Variants in PDE4B observed in about 807,000 individuals in gnomAD.
PDE4B encodes the protein phosphodiesterase 4B.
PDE4B carries 20 observed loss-of-function variants against 82.2 expected under a neutral mutation model. That is an observed-to-expected ratio of 0.24 (90% CI 0.17 to 0.35). The LOEUF (loss-of-function observed/expected upper bound fraction) is 0.35. PDE4B is among the 10% of genes least tolerant of loss of function. The pLI is 1.00. For synonymous variants in PDE4B, 320 were observed against 318.9 expected, an observed-to-expected ratio of 1.00 and a Z score of -0.04; for missense variants, 655 against 907.2, an observed-to-expected ratio of 0.72 and a Z score of 3.57.
At chr1:66,296,605 C>A (rs754724358) in intron 7 of PDE4B, among the ~76,000 whole-genome samples, 7 of 152,112 alleles carry the variant, frequency 4.6e-5, no homozygotes, top group Admixed American at 2.6e-4. Flanking sequence ...TAATAACCTT[C>A]TGTGGCTGTG....
intron 3 of PDE4B, among the ~76,000 whole-genome samples, chr1:66,101,761 A>C (rs1645229549): frequency 1.3e-5 from 2 of 151,536 alleles, no homozygotes; most frequent in Non-Finnish European, 2.9e-5. Flanking sequence ...GATTGCAAAA[A>C]TTTTCTCCCA....
intron 3 of PDE4B, among the ~76,000 whole-genome samples, chr1:66,182,843 A>G (rs1223054608): frequency 6.6e-6 from 1 of 152,232 alleles, no homozygotes; most frequent in Admixed American, 6.6e-5. Flanking sequence ...CCTTTCAGAT[A>G]ATGGGCAGAT....
intron 3 of PDE4B, among the ~76,000 whole-genome samples, chr1:66,212,933 G>T (rs1199067205): frequency 1.3e-5 from 2 of 152,222 alleles, no homozygotes; most frequent in Non-Finnish European, 2.9e-5. Context: ...TGGCCAGTGA[G>T]TCCAAACAGC....
chr1:66,204,394 G>A (rs1198163851), intron 3 of PDE4B, among the ~76,000 whole-genome samples: 1 of 152,238 alleles, frequency 6.6e-6, no homozygotes, highest in African/African-American at 2.4e-5. Context: ...GGACGTTTAA[G>A]TTTGCAGAGG....
At chr1:65,972,451 T>C (rs1415958588) in intron 3 of PDE4B, among the ~76,000 whole-genome samples, 1 of 152,216 alleles carries the variant, frequency 6.6e-6, no homozygotes, top group Non-Finnish European at 1.5e-5. Context: ...TTTCTCGGTA[T>C]AACATTTTAA....
In PDE4B at chr1:66,372,869, G is replaced by A. The variant is rs2050834273; in HGVS notation, c.*191G>A. On this transcript the variant is annotated 3_prime_UTR_variant, in exon 17 of 17. Transcript: ENST00000341517. ...GCTCAGGAAATCCCACGGTTGACTT[G>A]CCTTGATGGCAAGCTTGGTGGAGAG... is the stretch of plus-strand genomic sequence containing the variant. The A allele has an allele frequency of 5.2e-6, 3 of 574,806 alleles. No homozygotes were observed. Among genetic ancestry groups the A allele is most frequent in the Admixed American group, 3.1e-5 (1 of 32,644 alleles). 35.6% of individuals were successfully genotyped at this position (574,806 alleles called of 1,614,324 possible). A position where few individuals can be genotyped will look rare whatever the true frequency, so the allele number is the denominator to read the frequency against.
chr1:66,332,449 T>C, intron 7 of PDE4B, 59 bp from the exon 8 acceptor site: 1 of 1,614,150 alleles, frequency 6.2e-7, no homozygotes, highest in Non-Finnish European at 8.5e-7. Context: ...GCGGTGACTC[T>C]GCTATGGACA....
chr1:66,313,242 C>T (rs1246006173), intron 7 of PDE4B, among the ~76,000 whole-genome samples: 2 of 152,192 alleles, frequency 1.3e-5, no homozygotes, highest in Non-Finnish European at 2.9e-5. Flanking sequence ...TCCAGGAAGC[C>T]TTCTCTAACA....
chr1:66,131,171 G>A (rs1471791998), intron 3 of PDE4B, among the ~76,000 whole-genome samples: 2 of 152,140 alleles, frequency 1.3e-5, no homozygotes, highest in African/African-American at 4.8e-5. Context: ...ACATATAAAG[G>A]TAGAGTGGAT....
intron 3 of PDE4B, among the ~76,000 whole-genome samples, chr1:66,111,494 TG>T (rs1645484513): frequency 6.6e-6 from 1 of 152,144 alleles, no homozygotes; most frequent in South Asian, 2.1e-4. Context: ...TTCTAGACAC[TG>T]AATATAAGTA....
chr1:66,088,636 T>G (rs4655815), intron 3 of PDE4B, among the ~76,000 whole-genome samples: 8,116 of 152,122 alleles, frequency 0.053, 541 homozygotes, highest in East Asian at 0.31. Flanking sequence ...AGAAGCCTGT[T>G]AATTTATCTT....
chr1:66,216,960 T>C (rs912119067), intron 3 of PDE4B, among the ~76,000 whole-genome samples: 14 of 152,150 alleles, frequency 9.2e-5, no homozygotes, highest in Middle Eastern at 3.2e-3. Context: ...CTTCAGCCTG[T>C]TATAAATTCC....
At chr1:66,185,647 A>G (rs1647175675) in intron 3 of PDE4B, among the ~76,000 whole-genome samples, 1 of 152,134 alleles carries the variant, frequency 6.6e-6, no homozygotes, top group South Asian at 2.1e-4. Flanking sequence ...TTCTTTTGAG[A>G]AGTGTCTGTT....
At chr1:66,204,499 G>C (rs7541802) in intron 3 of PDE4B, among the ~76,000 whole-genome samples, 6,018 of 152,336 alleles carry the variant, frequency 0.04, 231 homozygotes, top group African/African-American at 0.1. Context: ...GCTCCACCCA[G>C]TTTGAGCTTC....
At chr1:65,910,043 C>T (rs1647072354) in intron 1 of PDE4B, among the ~76,000 whole-genome samples, 1 of 152,170 alleles carries the variant, frequency 6.6e-6, no homozygotes, top group Admixed American at 6.5e-5. Context: ...TGGTCTTAAC[C>T]AGTAGAGTGC....
intron 3 of PDE4B, among the ~76,000 whole-genome samples, chr1:65,953,014 T>C (rs979249485): frequency 6.6e-6 from 1 of 152,082 alleles, no homozygotes; most frequent in African/African-American, 2.4e-5. Context: ...GCATGGAACA[T>C]TTTTTACCTT....
chr1:66,092,261 C>G (rs2455027), intron 3 of PDE4B, among the ~76,000 whole-genome samples: 151,713 of 152,138 alleles, frequency 1, 75,646 homozygotes, highest in Middle Eastern at 1. Flanking sequence ...GTGACTTTAA[C>G]TGAACTGACA....
chr1:65,809,685 T>C (rs1457727161), intron 1 of PDE4B, among the ~76,000 whole-genome samples: 1 of 152,238 alleles, frequency 6.6e-6, no homozygotes, highest in Non-Finnish European at 1.5e-5. Context: ...GGTTATTTTC[T>C]TATTTTTGTT....
chr1:66,043,023 G>T (rs775173439), intron 3 of PDE4B, among the ~76,000 whole-genome samples: 1 of 151,684 alleles, frequency 6.6e-6, no homozygotes, highest in African/African-American at 2.4e-5. Flanking sequence ...ATTATAAAAA[G>T]TCTAATGTGA....
Sources: gnomAD v4.1 joint callset for allele counts (sites outside exome capture counted in the v4.1 genomes callset) on GRCh38, gnomAD v4.1.1 for gene constraint, MANE v1.5 for transcripts, NCBI Gene and HGNC (gene_info 2026-07-23, HGNC 2026-07-21) for gene names.